The following DPY19L1 variants were observed in gnomAD, a reference collection of about 807,000 sequenced individuals.
DPY19L1 encodes dpy-19 like C-mannosyltransferase 1, also known as protein C-mannosyl-transferase DPY19L1.
A neutral mutation model predicts 96.9 loss-of-function variants in DPY19L1; 35 were observed. That is an observed-to-expected ratio of 0.36 (90% CI 0.28 to 0.48). The LOEUF is 0.48. Ranked by LOEUF, DPY19L1 falls within the 20% of genes least tolerant of loss-of-function variation. The pLI is 0.99. For missense variants in DPY19L1, 521 were observed against 777.9 expected (o/e 0.67, Z 3.93); for synonymous variants, 205 against 252.6 (o/e 0.81, Z 1.79).
intron 1 of DPY19L1, among the ~76,000 whole-genome samples, chr7:35,034,713 A>G (rs1223134050): frequency 1.3e-5 from 2 of 152,236 alleles, no homozygotes; most frequent in Non-Finnish European, 2.9e-5. Flanking sequence ...TGTTTCTATC[A>G]CGGAGCTTTA....
intron 21 of DPY19L1, among the ~76,000 whole-genome samples, chr7:34,933,365 T>C (rs759988563): frequency 3.3e-5 from 5 of 152,242 alleles, no homozygotes; most frequent in Non-Finnish European, 5.9e-5. Context: ...TTCCCACTTA[T>C]AAGTGAGAAC....
intron 16 of DPY19L1, among the ~76,000 whole-genome samples, chr7:34,944,208 C>T (rs556350779): frequency 6.6e-6 from 1 of 151,656 alleles, no homozygotes; most frequent in African/African-American, 2.4e-5. Context: ...ACTAAAAATA[C>T]AAAAATTAGC....
At chr7:34,937,948 C>A (rs761442742) in intron 21 of DPY19L1, 46 bp downstream of exon 21, 30 of 1,593,402 alleles carry the variant, frequency 1.9e-5, no homozygotes, top group Non-Finnish European at 8.6e-6. Flanking sequence ...CTTGAATTAA[C>A]CTTCATGTCT....
Position 34,989,488 on chromosome 7 carries a change from C to T in DPY19L1, c.822+396G>A, listed in dbSNP as rs1021142456. On this transcript the variant is annotated intron_variant, in intron 7 of 21. Transcript: ENST00000638088. ...AAAACTAGCTGAGTGTGGTGATAAG[C>T]GTCTGTAGTCCCAGCTACTCTGGAA... Among the ~76,000 whole-genome samples, 6 of 151,880 alleles carry T rather than the reference C, an allele frequency of 4.0e-5. No homozygotes were observed. The South Asian group carries it at 6.2e-4, about 16-fold the overall frequency.
At chr7:35,030,692 G>T (rs1374753718) in intron 1 of DPY19L1, among the ~76,000 whole-genome samples, 4 of 152,062 alleles carry the variant, frequency 2.6e-5, no homozygotes, top group Non-Finnish European at 5.9e-5. Context: ...TAGTGAGAAT[G>T]CTGAGAAAAT....
At chr7:35,005,304 C>A (rs2128676570) in intron 6 of DPY19L1, among the ~76,000 whole-genome samples, 1 of 151,738 alleles carries the variant, frequency 6.6e-6, no homozygotes. Flanking sequence ...TCTGTGAAAA[C>A]CCTGAGTGGT....
chr7:34,973,741 T>C lies in DPY19L1; in HGVS notation c.823-136A>G, dbSNP rs1584230102. ...TGTTGTAAAACAAACTACTGGACTT[T>C]ATTCCATAAACAGCAAAACTAGCAT... On this transcript the variant is annotated intron_variant, in intron 7 of 21. Coordinates refer to ENST00000638088, the MANE Select transcript of DPY19L1 (RefSeq NM_001366673.1). 7.2e-6 allele frequency: 3 copies of C among 418,810 alleles called. No homozygotes were observed. In the East Asian group the frequency reaches 1.2e-4, roughly 16 times the overall value. The allele number at this position is 418,810 out of a possible 1,614,324, so 25.9% of individuals were successfully genotyped here.
chr7:34,985,203 C>G (rs1305389939), intron 7 of DPY19L1, among the ~76,000 whole-genome samples: 1 of 152,082 alleles, frequency 6.6e-6, no homozygotes, highest in Non-Finnish European at 1.5e-5. Flanking sequence ...TTTGGAGAGA[C>G]TAATGGGGAA....
intron 6 of DPY19L1, among the ~76,000 whole-genome samples, chr7:34,992,346 T>C (rs1785188759): frequency 6.6e-6 from 1 of 152,180 alleles, no homozygotes; most frequent in African/African-American, 2.4e-5. Context: ...AACCTCTGAC[T>C]GTCAAATGTG....
At chr7:34,945,645 A>C (rs1442428024) in intron 16 of DPY19L1, 22 bp downstream of exon 16, 1 of 1,532,716 alleles carries the variant, frequency 6.5e-7, no homozygotes, top group East Asian at 2.3e-5. Context: ...GGAGGTAATA[A>C]AATTCTTAAT....
chr7:34,988,971 A>G (rs1330644840), intron 7 of DPY19L1, among the ~76,000 whole-genome samples: 1 of 152,180 alleles, frequency 6.6e-6, no homozygotes, highest in African/African-American at 2.4e-5. Context: ...TAATCCTATG[A>G]GGTGGGTAAC....
chr7:34,984,015 C>T (rs766787157), intron 7 of DPY19L1, among the ~76,000 whole-genome samples: 7 of 151,976 alleles, frequency 4.6e-5, no homozygotes, highest in African/African-American at 7.2e-5. Flanking sequence ...TCTTATAAAC[C>T]GGTGGAAGCC....
chr7:34,989,272 C>G (rs1562818169), intron 7 of DPY19L1, among the ~76,000 whole-genome samples: 1 of 152,146 alleles, frequency 6.6e-6, no homozygotes, highest in Non-Finnish European at 1.5e-5. Flanking sequence ...CCACCTACTT[C>G]CATTATAACT....
At chr7:34,983,217 CT>C (rs1452856275) in intron 7 of DPY19L1, among the ~76,000 whole-genome samples, 1 of 151,966 alleles carries the variant, frequency 6.6e-6, no homozygotes, top group African/African-American at 2.4e-5. Flanking sequence ...CTTCATCATT[CT>C]TTTACAGAAA....
upstream of DPY19L1, chr7:35,037,884 G>A (rs545422591): frequency 1.2e-5 from 15 of 1,238,504 alleles, no homozygotes; most frequent in South Asian, 1.6e-4. Context: ...TCCGGAGGCG[G>A]CCGCCCTTCC....
At chr7:34,992,114 G>C (rs1459505707) in intron 6 of DPY19L1, among the ~76,000 whole-genome samples, 1 of 152,206 alleles carries the variant, frequency 6.6e-6, no homozygotes, top group Non-Finnish European at 1.5e-5. Context: ...TCTTGTCACA[G>C]AGTATGCAGG....
At chr7:34,995,828 A>G (rs1785269662) in intron 6 of DPY19L1, among the ~76,000 whole-genome samples, 1 of 148,274 alleles carries the variant, frequency 6.7e-6, no homozygotes, top group South Asian at 2.1e-4. Context: ...TGGAGACTGA[A>G]GGCTTGGGCA....
chr7:35,034,843 T>C (rs1786348146), intron 1 of DPY19L1, among the ~76,000 whole-genome samples: 1 of 152,240 alleles, frequency 6.6e-6, no homozygotes, highest in South Asian at 2.1e-4. Context: ...CAAAAGAATA[T>C]GCAATGCAAT....
At chr7:35,026,881 GT>G (rs1373129716) in intron 1 of DPY19L1, among the ~76,000 whole-genome samples, 1 of 152,148 alleles carries the variant, frequency 6.6e-6, no homozygotes, top group Non-Finnish European at 1.5e-5. Context: ...GCCTCTCAGA[GT>G]CTCATTTTCA....
Sources: allele counts gnomAD v4.1 joint callset (sites outside exome capture counted in the v4.1 genomes callset), GRCh38; gene constraint gnomAD v4.1.1; transcripts MANE v1.5; gene names NCBI Gene and HGNC (gene_info 2026-07-23, HGNC 2026-07-21).